The following PCDH15 variants were observed in gnomAD, a reference collection of about 807,000 sequenced individuals.
The protein encoded by PCDH15 is protocadherin-15.
In PCDH15, 129 loss-of-function variants were observed where a neutral mutation model predicts 178.5. The ratio of observed to expected loss-of-function variants is 0.72; its 90% CI spans 0.63 to 0.84. PCDH15 has a LOEUF of 0.84. PCDH15 is among the 40% of genes least tolerant of loss of function. The pLI, the probability that PCDH15 is intolerant of heterozygous loss-of-function variation, is 0.00. For missense variants in PCDH15, 2,230 were observed against 2,099.9 expected, an observed-to-expected ratio of 1.06 and a Z score of -1.21; for synonymous variants, 800 against 732.0, an observed-to-expected ratio of 1.09 and a Z score of -1.50.
At chr10:54,543,470 G>A (rs1565553197) in intron 2 of PCDH15, among the ~76,000 whole-genome samples, 2 of 152,088 alleles carry the variant, frequency 1.3e-5, no homozygotes, top group Admixed American at 6.5e-5. Flanking sequence ...CTGAAGAAGC[G>A]ATCCACACCC....
At chr10:54,340,040 T>C (rs1941943828) in intron 6 of PCDH15, among the ~76,000 whole-genome samples, 1 of 152,228 alleles carries the variant, frequency 6.6e-6, no homozygotes, top group Admixed American at 6.5e-5. Context: ...TGGTCCTGAA[T>C]AAGGTCTTTC....
intron 3 of PCDH15, among the ~76,000 whole-genome samples, chr10:54,425,012 A>T (rs1956092151): frequency 6.7e-6 from 1 of 149,234 alleles, no homozygotes; most frequent in African/African-American, 2.6e-5. Flanking sequence ...GTATAATAAA[A>T]AAAAAAAAAA....
At chr10:54,707,951 T>A (rs1389109144) in intron 1 of PCDH15, among the ~76,000 whole-genome samples, 4 of 152,228 alleles carry the variant, frequency 2.6e-5, no homozygotes, top group African/African-American at 9.6e-5. Flanking sequence ...TGGGATGGCA[T>A]AATTTCTAAC....
chr10:55,068,990 T>C (rs1377026898), intron 2 of PCDH15, among the ~76,000 whole-genome samples: 1 of 151,886 alleles, frequency 6.6e-6, no homozygotes, highest in Non-Finnish European at 1.5e-5. Context: ...CTCCACCTCC[T>C]GGGTTCAAGC....
At chr10:55,516,251 T>C (rs991572663) in intron 2 of PCDH15, among the ~76,000 whole-genome samples, 31 of 152,086 alleles carry the variant, frequency 2.0e-4, no homozygotes, top group African/African-American at 6.8e-4. Context: ...CTGATGAACT[T>C]ATAAAGGGAA....
In PCDH15 at chr10:54,752,529, C is replaced by A. The variant is rs553650426; in HGVS notation, c.-29+48396G>T. ...AACAAAAAACAAACAAACAAACAAACAAAAAAAAACAATAAAACAATTTTC... is the reference window on the plus strand; with the variant it reads ...AACAAAAAACAAACAAACAAACAAAAAAAAAAAAACAATAAAACAATTTTC... On this transcript the variant is annotated intron_variant, in intron 1 of 37. Transcript: ENST00000644397. Among the ~76,000 whole-genome samples, 291 of 51,752 alleles carry A rather than the reference C, an allele frequency of 5.6e-3. 12 individuals carry two copies. The highest frequency in any genetic ancestry group is 0.03 in the South Asian group (61 of 2,016). 34.0% of individuals were successfully genotyped at this position (51,752 alleles called of 152,430 possible).
intron 36 of PCDH15, 62 bp downstream of exon 36, chr10:53,811,484 TTAA>T: frequency 1.0e-6 from 1 of 986,240 alleles, no homozygotes; most frequent in Non-Finnish European, 1.4e-6. Flanking sequence ...TAATAATCAT[TTAA>T]TAATTTCCTA....
At chr10:53,865,679 A>T (rs1303037684) in intron 27 of PCDH15, among the ~76,000 whole-genome samples, 1 of 152,096 alleles carries the variant, frequency 6.6e-6, no homozygotes, top group Non-Finnish European at 1.5e-5. Flanking sequence ...TAAAAATGAG[A>T]ATGCTCCTGG....
At chr10:55,611,033 G>A (rs1300241329) in intron 2 of PCDH15, among the ~76,000 whole-genome samples, 4 of 152,066 alleles carry the variant, frequency 2.6e-5, no homozygotes, top group Non-Finnish European at 5.9e-5. Flanking sequence ...ATTTCAGTTA[G>A]GCTTTTCATT....
At chr10:54,804,948 T>TATATATATATATATATAC (rs905516559), upstream of PCDH15, among the ~76,000 whole-genome samples, 68 of 127,222 alleles carry the variant, frequency 5.3e-4, 3 homozygotes, top group East Asian at 5.0e-3. Context: ...TATATATATA[T>TATATATATATATATATAC]ACAGAGTTTG....
At chr10:54,643,772 C>CT (rs71010400) in intron 2 of PCDH15, among the ~76,000 whole-genome samples, 4,089 of 116,794 alleles carry the variant, frequency 0.035, 63 homozygotes, top group Middle Eastern at 0.052. Flanking sequence ...CAGTTATTTT[C>CT]TTTTTTTTTT....
chr10:53,989,722 C>T (rs1430569622), intron 21 of PCDH15, among the ~76,000 whole-genome samples: 1 of 152,118 alleles, frequency 6.6e-6, no homozygotes, highest in Non-Finnish European at 1.5e-5. Context: ...TCCTCATGCT[C>T]CTGGGTGAGA....
chr10:55,067,733 C>T (rs1025381505), intron 2 of PCDH15, among the ~76,000 whole-genome samples: 6 of 151,204 alleles, frequency 4.0e-5, no homozygotes, highest in African/African-American at 7.3e-5. Flanking sequence ...TAATTTTCTC[C>T]GCAACTCTGC....
intron 2 of PCDH15, among the ~76,000 whole-genome samples, chr10:54,530,758 T>C (rs1185227448): frequency 6.6e-6 from 1 of 152,200 alleles, no homozygotes; most frequent in Non-Finnish European, 1.5e-5. Context: ...ACATTCTTTA[T>C]ATACTACATA....
At chr10:55,189,147 C>T (rs936333914) in intron 1 of PCDH15, among the ~76,000 whole-genome samples, 8 of 151,694 alleles carry the variant, frequency 5.3e-5, no homozygotes, top group Non-Finnish European at 8.8e-5. Context: ...GCAACAAGGG[C>T]GCTCCAATTC....
intron 25 of PCDH15, among the ~76,000 whole-genome samples, chr10:53,928,194 C>T (rs1333987823): frequency 6.6e-6 from 1 of 151,984 alleles, no homozygotes; most frequent in African/African-American, 2.4e-5. Flanking sequence ...TGGCACTTTT[C>T]CCCATATTTC....
rs1266259915 is a variant in PCDH15, at chr10:55,341,787, ATATATATATATATATATATTTTTTTTT to A, written c.-155-175163_-155-175137del. 1.1e-3 allele frequency among the ~76,000 whole-genome samples: 59 copies of A among 54,858 alleles called. 3 individuals are homozygous for A. The highest frequency in any genetic ancestry group is 8.9e-3 in the Middle Eastern group (1 of 112). 36.0% of individuals were successfully genotyped at this position (54,858 alleles called of 152,430 possible). A position where few individuals can be genotyped will look rare whatever the true frequency, so the allele number is the denominator to read the frequency against. On this transcript the variant is annotated intron_variant, in intron 2 of 5. Transcript: ENST00000613346. ...CATATATATATATATATATATATAT[ATATATATATATATATATATTTTTTTTT>A]TTTTTTTTTTTTTTTTTAGTAGAGA...
At chr10:55,150,804 C>A (rs1442879754) in intron 2 of PCDH15, among the ~76,000 whole-genome samples, 1 of 152,052 alleles carries the variant, frequency 6.6e-6, no homozygotes, top group Non-Finnish European at 1.5e-5. Flanking sequence ...AAAATACAAG[C>A]AGTGAGTGTA....
At chr10:54,730,527 G>A (rs562070876) in intron 1 of PCDH15, among the ~76,000 whole-genome samples, 109 of 151,656 alleles carry the variant, frequency 7.2e-4, no homozygotes, top group Admixed American at 2.0e-3. Flanking sequence ...ACATGCACAT[G>A]TACCCCAAAC....
Sources: allele counts gnomAD v4.1 joint callset (sites outside exome capture counted in the v4.1 genomes callset), GRCh38; gene constraint gnomAD v4.1.1; transcripts MANE v1.5; gene names NCBI Gene and HGNC (gene_info 2026-07-23, HGNC 2026-07-21).